Variants in DIP2C observed in about 807,000 individuals in gnomAD.
The protein encoded by DIP2C is disco-interacting protein 2 homolog C.
A neutral mutation model predicts 192.4 loss-of-function variants in DIP2C; 33 were observed. That is an observed-to-expected ratio of 0.17 (90% CI 0.13 to 0.23). The LOEUF (loss-of-function observed/expected upper bound fraction) is 0.23. Among genes scored for constraint, DIP2C ranks in the 10% least tolerant of loss-of-function variants. DIP2C has a pLI of 1.00. For synonymous variants in DIP2C, 979 were observed against 864.1 expected (o/e 1.13, Z -2.33); for missense variants, 1,537 against 2,110.1 (o/e 0.73, Z 5.32).
intron 3 of DIP2C, among the ~76,000 whole-genome samples, chr10:446,583 T>C (rs1239990194): frequency 6.6e-6 from 1 of 152,242 alleles, no homozygotes; most frequent in Non-Finnish European, 1.5e-5. Flanking sequence ...CTGACTCACT[T>C]CATTGACGAG....
In DIP2C at chr10:571,183, CAG is replaced by C. The variant is rs530733723; in HGVS notation, c.86-84655_86-84654del. ...GCTAAACCGGGAAAAATCCACAAAA[CAG>C]AAAGAACCCACAGGGAGAAGCACTT... On this transcript the variant is annotated intron_variant, in intron 1 of 36. Coordinates refer to ENST00000280886, the MANE Select transcript of DIP2C (RefSeq NM_014974.3). 4.5e-4 allele frequency among the ~76,000 whole-genome samples: 69 copies of C among 152,364 alleles called. 2 individuals are homozygous for C. The East Asian group carries it at 0.011, about 25-fold the overall frequency.
intron 2 of DIP2C, among the ~76,000 whole-genome samples, chr10:481,943 G>A (rs1370357573): frequency 6.6e-6 from 1 of 152,228 alleles, no homozygotes; most frequent in Non-Finnish European, 1.5e-5. Flanking sequence ...GGGGCCTCAG[G>A]TGATTTACAT....
At chr10:372,049 G>A (rs117473634) in intron 17 of DIP2C, among the ~76,000 whole-genome samples, 61 of 149,802 alleles carry the variant, frequency 4.1e-4, no homozygotes, top group African/African-American at 1.4e-3. Flanking sequence ...ATGTTTTATT[G>A]TCTCAATCAC....
chr10:378,694 C>G (rs1204226431), intron 17 of DIP2C, among the ~76,000 whole-genome samples: 1 of 151,758 alleles, frequency 6.6e-6, no homozygotes, highest in Non-Finnish European at 1.5e-5. Flanking sequence ...GACATGCATA[C>G]ACACATGAAC....
At chr10:448,073 CTATA>C in intron 3 of DIP2C, among the ~76,000 whole-genome samples, 1 of 122,418 alleles carries the variant, frequency 8.2e-6, no homozygotes, top group African/African-American at 4.1e-5. Flanking sequence ...TCATCCCCGT[CTATA>C]CTCAGGATCA....
intron 1 of DIP2C, among the ~76,000 whole-genome samples, chr10:499,366 G>A (rs868244649): frequency 5.3e-5 from 8 of 152,270 alleles, no homozygotes; most frequent in South Asian, 4.2e-4. Context: ...CTGTTTTCAC[G>A]CTGCTATAAA....
chr10:387,727 C>CG lies in DIP2C; in HGVS notation c.1662+17dup, dbSNP rs1349636958. 7 of 1,613,352 alleles carry CG rather than the reference C, an allele frequency of 4.3e-6. No homozygotes were observed. The highest frequency in any genetic ancestry group is 1.6e-4 in the Middle Eastern group (1 of 6,078). ...GGACTCCTTTGTGGACAGACACGGC[C>CG]GGGGGGACCTCACTTACTGTCAGGA... On this transcript the variant is annotated intron_variant, in intron 14 of 36. Transcript: ENST00000280886.
Position 501,910 on chromosome 10 carries a change from T to C in DIP2C, c.86-15380A>G, listed in dbSNP as rs958831601. On this transcript the variant is annotated intron_variant, in intron 1 of 36. Transcript: ENST00000280886. ...CTGTAATCCCAGTGCTTTGGGAGGC[T>C]GAGGTGGGAGGATCACTTGAGCCCA... 4.6e-5 allele frequency among the ~76,000 whole-genome samples: 7 copies of C among 152,210 alleles called. 1 individual carries two copies. The highest frequency in any genetic ancestry group is 4.6e-4 in the Admixed American group (7 of 15,282).
At chr10:285,263 G>T (rs892877135) in intron 34 of DIP2C, among the ~76,000 whole-genome samples, 9 of 152,152 alleles carry the variant, frequency 5.9e-5, no homozygotes, top group African/African-American at 2.2e-4. Flanking sequence ...GTGTAGAAAC[G>T]TGCTCTTGCA....
intron 3 of DIP2C, among the ~76,000 whole-genome samples, chr10:469,692 C>T (rs1371529612): frequency 6.6e-6 from 1 of 152,170 alleles, no homozygotes; most frequent in Non-Finnish European, 1.5e-5. Context: ...TCAGCCCATG[C>T]TCCATGCTGC....
intron 17 of DIP2C, among the ~76,000 whole-genome samples, chr10:378,874 GAC>G (rs1196275067): frequency 3.3e-4 from 49 of 150,628 alleles, no homozygotes; most frequent in African/African-American, 1.0e-3. Flanking sequence ...GACATGCCTA[GAC>G]ACACGTGAAC....
intron 1 of DIP2C, among the ~76,000 whole-genome samples, chr10:535,913 CCA>C (rs1165668117): frequency 6.6e-6 from 1 of 152,216 alleles, no homozygotes; most frequent in Non-Finnish European, 1.5e-5. Context: ...TATGCAAATG[CCA>C]CATTTTCAAC....
chr10:581,321 TATG>T (rs1297428844), intron 1 of DIP2C, among the ~76,000 whole-genome samples: 1 of 152,172 alleles, frequency 6.6e-6, no homozygotes, highest in Non-Finnish European at 1.5e-5. Flanking sequence ...AGATGGCAAG[TATG>T]ATGGTCAAAC....
intron 29 of DIP2C, among the ~76,000 whole-genome samples, chr10:335,168 T>C (rs1957701588): frequency 6.6e-6 from 1 of 152,218 alleles, no homozygotes; most frequent in South Asian, 2.1e-4. Context: ...TAAACAATCC[T>C]CTATGACAGA....
intron 1 of DIP2C, among the ~76,000 whole-genome samples, chr10:639,062 G>A (rs767356458): frequency 1.3e-5 from 2 of 152,268 alleles, no homozygotes; most frequent in Non-Finnish European, 2.9e-5. Flanking sequence ...CTGCCTGCAT[G>A]ATGGAGGTCC....
chr10:536,130 C>A lies in DIP2C; in HGVS notation c.86-49600G>T, dbSNP rs184533357. ...AGGTGTGGGCAGGGCCGAGCTCCCA[C>A]CGCAGGCTCCAAGTGGGATCCTTGC... On this transcript the variant is annotated intron_variant, in intron 1 of 36. Transcript: ENST00000280886. Among the ~76,000 whole-genome samples the A allele has an allele frequency of 5.8e-4, 89 of 152,344 alleles. 1 individual carries two copies. Among genetic ancestry groups the A allele is most frequent in the African/African-American group, 2.1e-3 (88 of 41,570 alleles).
intron 3 of DIP2C, among the ~76,000 whole-genome samples, chr10:445,352 A>G (rs1429841729): frequency 6.6e-6 from 1 of 151,636 alleles, no homozygotes; most frequent in African/African-American, 2.4e-5. Context: ...GGACATCTGT[A>G]TACATCTGTT....
intron 1 of DIP2C, among the ~76,000 whole-genome samples, chr10:570,613 A>T (rs902449060): frequency 7.9e-5 from 12 of 151,716 alleles, no homozygotes; most frequent in African/African-American, 2.7e-4. Flanking sequence ...CTCCCCTACC[A>T]CCCGACCTGC....
At chr10:605,584 G>A (rs1211708337) in intron 1 of DIP2C, among the ~76,000 whole-genome samples, 2 of 152,160 alleles carry the variant, frequency 1.3e-5, no homozygotes, top group Non-Finnish European at 2.9e-5. Context: ...TAGATGGAGT[G>A]TGAAGACTGT....
Sources: gnomAD v4.1 joint callset for allele counts (sites outside exome capture counted in the v4.1 genomes callset) on GRCh38, gnomAD v4.1.1 for gene constraint, MANE v1.5 for transcripts, NCBI Gene and HGNC (gene_info 2026-07-23, HGNC 2026-07-21) for gene names.